Variants in PCDHA11 observed in about 807,000 individuals in gnomAD.
PCDHA11 encodes the protein protocadherin alpha-11.
Under a neutral mutation model 70.3 loss-of-function variants are expected in PCDHA11, and 61 were observed. The ratio of observed to expected loss-of-function variants is 0.87; its 90% CI spans 0.71 to 1.07. PCDHA11 has a LOEUF of 1.07. Among genes scored for constraint, PCDHA11 ranks in the 50% least tolerant of loss-of-function variants. The probability of loss-of-function intolerance (pLI) is 0.00; values close to 1 mark genes in which losing one functional copy is unlikely to be tolerated. For missense variants in PCDHA11, 1,324 were observed against 1,237.5 expected (o/e 1.07, Z -1.05); for synonymous variants, 633 against 555.1 (o/e 1.14, Z -1.97).
intron 1 of PCDHA11, chr5:140,967,716 T>C: frequency 1.2e-6 from 2 of 1,613,914 alleles, no homozygotes; most frequent in Non-Finnish European, 1.7e-6. Context: ...ACCGGGGAAG[T>C]GCGAGTAATT....
rs781938191 is a variant in PCDHA11 at position 140,871,499 on chromosome 5, GT to G, written c.2391+9del. 14 of 1,584,318 alleles carry G rather than the reference GT, an allele frequency of 8.8e-6. No individual in the cohort carries two copies. In the East Asian group the frequency reaches 2.7e-4, roughly 31 times the overall value. On this transcript the variant is annotated splice_donor_region_variant and intron_variant, in intron 1 of 3. Coordinates refer to ENST00000398640, the MANE Select transcript of PCDHA11 (RefSeq NM_018902.5). ...GGGTCAAATCACCCCGGACAGGTGAGTTTTCTACAGATTCCACCTATCAGGA... is the reference window on the plus strand; with the variant it reads ...GGGTCAAATCACCCCGGACAGGTGAGTTTCTACAGATTCCACCTATCAGGA...
rs542536806 is a variant in PCDHA11, at chr5:140,896,054, G to T, written c.2391+24560G>T. Among the ~76,000 whole-genome samples the T allele has an allele frequency of 4.6e-5, 7 of 151,966 alleles. 1 individual carries two copies. In the East Asian group the frequency reaches 1.4e-3, roughly 30 times the overall value. On this transcript the variant is annotated intron_variant, in intron 1 of 3. Transcript: ENST00000398640. ...TCGAACTCCTGACCTCAGGTGATCC[G>T]CCTGCCTCGGCCTCCCAACATGCTG...
intron 1 of PCDHA11, among the ~76,000 whole-genome samples, chr5:140,963,771 G>A (rs2095789886): frequency 6.6e-6 from 1 of 152,164 alleles, no homozygotes; most frequent in South Asian, 2.1e-4. Context: ...ATTTCATGAC[G>A]ACAGCAACAA....
Position 140,917,790 on chromosome 5 carries a change from A to G in PCDHA11, c.2391+46296A>G, listed in dbSNP as rs540599117. The stretch of plus-strand genomic sequence containing the variant: ...GTATTAGTACCATGTTGTTTTGGTT[A>G]CTGTAGCCTTGCAGTATAGTTGAAG... On this transcript the variant is annotated intron_variant, in intron 1 of 3. Coordinates refer to ENST00000398640, the MANE Select transcript of PCDHA11 (RefSeq NM_018902.5). Among the ~76,000 whole-genome samples the G allele has an allele frequency of 4.6e-5, 7 of 152,046 alleles. No homozygotes were observed. In the East Asian group the frequency reaches 1.2e-3, roughly 25 times the overall value.
At chr5:140,950,159 T>C (rs983239055) in intron 1 of PCDHA11, among the ~76,000 whole-genome samples, 3 of 151,972 alleles carry the variant, frequency 2.0e-5, no homozygotes, top group Non-Finnish European at 4.4e-5. Flanking sequence ...AAGCAGTTAT[T>C]ATGTACTTTA....
chr5:141,002,120 T>C (rs1416494483), intron 3 of PCDHA11, among the ~76,000 whole-genome samples: 1 of 152,250 alleles, frequency 6.6e-6, no homozygotes, highest in African/African-American at 2.4e-5. Context: ...CTATAATCAT[T>C]TAATAGCCTT....
chr5:140,936,235 GA>G (rs1358431789), intron 1 of PCDHA11, among the ~76,000 whole-genome samples: 2 of 152,076 alleles, frequency 1.3e-5, no homozygotes, highest in African/African-American at 4.8e-5. Context: ...TCCTTTTAAA[GA>G]AAACATATCC....
At chr5:140,989,531 G>C (rs782610172) in intron 3 of PCDHA11, among the ~76,000 whole-genome samples, 1 of 152,198 alleles carries the variant, frequency 6.6e-6, no homozygotes, top group Non-Finnish European at 1.5e-5. Flanking sequence ...AGAGGAGGAA[G>C]ATAGTTTGTA....
At chr5:141,008,528 G>C (rs1343778561) in intron 3 of PCDHA11, among the ~76,000 whole-genome samples, 5 of 152,070 alleles carry the variant, frequency 3.3e-5, no homozygotes, top group African/African-American at 9.7e-5. Flanking sequence ...AGACTCTTGG[G>C]AATGTCTTTT....
chr5:140,891,688 T>G (rs2063203967), intron 1 of PCDHA11, among the ~76,000 whole-genome samples: 1 of 152,224 alleles, frequency 6.6e-6, no homozygotes, highest in Non-Finnish European at 1.5e-5. Flanking sequence ...TCTCTCTTCT[T>G]GCTGTTGTCT....
At chr5:140,906,248 T>C (rs143429198) in intron 1 of PCDHA11, among the ~76,000 whole-genome samples, 45 of 152,272 alleles carry the variant, frequency 3.0e-4, no homozygotes, top group African/African-American at 1.1e-3. Context: ...CTTGAACCCA[T>C]ACACACCTCC....
Position 140,885,836 on chromosome 5 carries a change from C to T in PCDHA11, c.2391+14342C>T, listed in dbSNP as rs186775413. On this transcript the variant is annotated intron_variant, in intron 1 of 3. Transcript: ENST00000398640. ...TGTATTTGATCTTCTTTGATTTATC[C>T]ATTAAGTTATTTGCCTACTTTTCTA... Among the ~76,000 whole-genome samples the T allele has an allele frequency of 3.1e-3, 470 of 152,032 alleles. 3 individuals are homozygous for T. Among genetic ancestry groups the T allele is most frequent in the Middle Eastern group, 0.014 (4 of 294 alleles).
chr5:140,944,992 C>T (rs561484046), intron 1 of PCDHA11, among the ~76,000 whole-genome samples: 11 of 152,114 alleles, frequency 7.2e-5, no homozygotes, highest in South Asian at 2.1e-4. Flanking sequence ...ACTTCTGTAA[C>T]GGTTGTGGGT....
intron 2 of PCDHA11, 130 bp from the exon 3 acceptor site, chr5:140,982,345 A>G: frequency 6.8e-7 from 1 of 1,471,098 alleles, no homozygotes; most frequent in Non-Finnish European, 9.1e-7. Context: ...TAATTGCTTC[A>G]GTTCAAGCAT....
rs78283049 is a variant in PCDHA11 at position 140,938,200 on chromosome 5, C to G, written c.2392-40749C>G. 2.3e-3 allele frequency among the ~76,000 whole-genome samples: 352 copies of G among 152,306 alleles called. 1 individual carries two copies. The highest frequency in any genetic ancestry group is 8.1e-3 in the African/African-American group (335 of 41,568). On this transcript the variant is annotated intron_variant, in intron 1 of 3. Coordinates refer to ENST00000398640, the MANE Select transcript of PCDHA11 (RefSeq NM_018902.5). ...GGCTCAAGCAATCCTCCCACGCCAG[C>G]CTCCCAAAGTGCTGGGATTACAGGC... is the stretch of plus-strand genomic sequence containing the variant.
At chr5:140,937,789 G>A (rs1413517840) in intron 1 of PCDHA11, among the ~76,000 whole-genome samples, 1 of 151,816 alleles carries the variant, frequency 6.6e-6, no homozygotes, top group Non-Finnish European at 1.5e-5. Flanking sequence ...GCGGGCGTAT[G>A]TAGTCCCAGC....
chr5:140,968,739 T>C, intron 1 of PCDHA11: 1 of 1,614,192 alleles, frequency 6.2e-7, no homozygotes, highest in South Asian at 1.1e-5. Context: ...ACTTTCAACC[T>C]GACCGTGGTG....
In PCDHA11 at chr5:141,011,040, A is replaced by G. The variant is rs1467029720; in HGVS notation, c.*1103A>G. On this transcript the variant is annotated 3_prime_UTR_variant, in exon 4 of 4. Transcript: ENST00000398640. ...AATCACAGCTTTACTCTTTCAGGTCACTCTGGGGCTGCCTCTTGCATGTAT... is the reference window on the plus strand; with the variant it reads ...AATCACAGCTTTACTCTTTCAGGTCGCTCTGGGGCTGCCTCTTGCATGTAT... 1 of 153,602 alleles carries G rather than the reference A, an allele frequency of 6.5e-6. No homozygotes were observed. The highest frequency in any genetic ancestry group is 2.4e-5 in the African/African-American group (1 of 41,374). The allele number at this position is 153,602 out of a possible 1,614,324, so 9.5% of individuals were successfully genotyped here.
intron 1 of PCDHA11, among the ~76,000 whole-genome samples, chr5:140,903,855 AAT>A (rs2070667296): frequency 6.6e-6 from 1 of 152,186 alleles, no homozygotes; most frequent in Non-Finnish European, 1.5e-5. Context: ...CTTAACAAAT[AAT>A]ATAGAGTAAA....
Sources: gnomAD v4.1 joint callset for allele counts (sites outside exome capture counted in the v4.1 genomes callset) on GRCh38, gnomAD v4.1.1 for gene constraint, MANE v1.5 for transcripts, NCBI Gene and HGNC (gene_info 2026-07-23, HGNC 2026-07-21) for gene names.